Variants in PDE3A observed in about 807,000 individuals in gnomAD.
The protein encoded by PDE3A is cGMP-inhibited 3',5'-cyclic phosphodiesterase 3A.
PDE3A carries 43 observed loss-of-function variants against 98.3 expected under a neutral mutation model. The observed-to-expected ratio is 0.44, with a 90% CI of 0.34 to 0.56. PDE3A has a LOEUF of 0.56. PDE3A is among the 20% of genes least tolerant of loss of function. The probability of loss-of-function intolerance (pLI) is 0.01; values close to 1 mark genes in which losing one functional copy is unlikely to be tolerated. For synonymous variants in PDE3A, 663 were observed against 567.9 expected (o/e 1.17, Z -2.38); for missense variants, 1,427 against 1,440.7 (o/e 0.99, Z 0.15).
intron 1 of PDE3A, among the ~76,000 whole-genome samples, chr12:20,531,909 ATTTG>A (rs1941609456): frequency 6.7e-6 from 1 of 150,040 alleles, no homozygotes; most frequent in Non-Finnish European, 1.5e-5. Flanking sequence ...ATAAACTTCT[ATTTG>A]TTATTTAATT....
At chr12:20,613,805 G>A in intron 3 of PDE3A, 105 bp downstream of exon 3, 1 of 781,980 alleles carries the variant, frequency 1.3e-6, no homozygotes, top group Non-Finnish European at 2.1e-6. Context: ...TCATATCAGT[G>A]ACTCAGGCAA....
chr12:20,650,317 G>C, intron 13 of PDE3A, 128 bp from the exon 14 acceptor site: 1 of 490,326 alleles, frequency 2.0e-6, no homozygotes. Context: ...GTAGCTAGAG[G>C]TTCCCAATTA....
At chr12:20,494,914 A>G in intron 1 of PDE3A, among the ~76,000 whole-genome samples, 1 of 151,776 alleles carries the variant, frequency 6.6e-6, no homozygotes, top group South Asian at 2.1e-4. Flanking sequence ...CTATGTTTTG[A>G]TGGCATTGAT....
chr12:20,530,960 T>C (rs949072002), intron 1 of PDE3A, among the ~76,000 whole-genome samples: 1 of 152,188 alleles, frequency 6.6e-6, no homozygotes, highest in Non-Finnish European at 1.5e-5. Flanking sequence ...GTTCAGGTTT[T>C]TGTTAGGATG....
intron 1 of PDE3A, among the ~76,000 whole-genome samples, chr12:20,390,979 C>T (rs144757331): frequency 6.7e-4 from 102 of 151,836 alleles, no homozygotes; most frequent in African/African-American, 2.4e-3. Context: ...TGAATCCTAC[C>T]GATGAAAGAT....
chr12:20,684,135 A>C lies in PDE3A; in HGVS notation c.*3864A>C, dbSNP rs1440054570. 1.3e-5 allele frequency: 2 copies of C among 152,192 alleles called. No individual in the cohort carries two copies. The highest frequency in any genetic ancestry group is 2.9e-5 in the Non-Finnish European group (2 of 68,018). The allele number at this position is 152,192 out of a possible 1,614,324, so 9.4% of individuals were successfully genotyped here. A position where few individuals can be genotyped will look rare whatever the true frequency, so the allele number is the denominator to read the frequency against. On this transcript the variant is annotated 3_prime_UTR_variant, in exon 16 of 16. Coordinates refer to ENST00000359062, the MANE Select transcript of PDE3A (RefSeq NM_000921.5). ...AAAGTGAACTAATTGTGTGATTATCAAATCCTGATTAATGAGAAGTGAATA... is the reference window on the plus strand; with the variant it reads ...AAAGTGAACTAATTGTGTGATTATCCAATCCTGATTAATGAGAAGTGAATA...
chr12:20,410,061 A>C (rs952752829), intron 1 of PDE3A, among the ~76,000 whole-genome samples: 1 of 152,204 alleles, frequency 6.6e-6, no homozygotes, highest in Non-Finnish European at 1.5e-5. Context: ...CATGTCTGTT[A>C]GGATTCCCAA....
chr12:20,654,610 C>A (rs1391709736), intron 15 of PDE3A, among the ~76,000 whole-genome samples: 1 of 151,364 alleles, frequency 6.6e-6, no homozygotes, highest in Non-Finnish European at 1.5e-5. Flanking sequence ...CATTCTCCTG[C>A]CTCAGCCTCC....
intron 2 of PDE3A, among the ~76,000 whole-genome samples, chr12:20,590,616 AGAAAGGAAAGAG>A (rs1278190368): frequency 1.3e-5 from 2 of 151,736 alleles, no homozygotes; most frequent in Non-Finnish European, 2.9e-5. Flanking sequence ...CTTAACCAGA[AGAAAGGAAAGAG>A]GAAAGGAAAG....
chr12:20,409,975 A>G lies in PDE3A; in HGVS notation c.960+39731A>G, dbSNP rs568593180. On this transcript the variant is annotated intron_variant, in intron 1 of 15. Coordinates refer to ENST00000359062, the MANE Select transcript of PDE3A (RefSeq NM_000921.5). ...ATGTTTTAAAATAAAATATTGCTATAGGATACTTGCTATATTGAACCAAAA... is the reference window on the plus strand; with the variant it reads ...ATGTTTTAAAATAAAATATTGCTATGGGATACTTGCTATATTGAACCAAAA... Among the ~76,000 whole-genome samples, 4 of 152,338 alleles carry G rather than the reference A, an allele frequency of 2.6e-5. No homozygotes were observed. The East Asian group carries it at 7.7e-4, about 29-fold the overall frequency.
chr12:20,670,168 C>G (rs1945433202), intron 15 of PDE3A, among the ~76,000 whole-genome samples: 1 of 150,840 alleles, frequency 6.6e-6, no homozygotes, highest in Admixed American at 6.6e-5. Context: ...TATATATGCA[C>G]CCAATAAAGG....
intron 2 of PDE3A, among the ~76,000 whole-genome samples, chr12:20,583,784 A>ATTGTT (rs1943128431): frequency 6.6e-6 from 1 of 152,198 alleles, no homozygotes; most frequent in African/African-American, 2.4e-5. Context: ...ATCAATGAAA[A>ATTGTT]TTGTTTTAAG....
In PDE3A at chr12:20,467,186, A is replaced by G. The variant is rs551642496; in HGVS notation, c.961-89474A>G. ...GAGTTCTTAGTTATTGGTTGTTTTC[A>G]TCTTTTAAAATTTTCTGATTTGAGG... On this transcript the variant is annotated intron_variant, in intron 1 of 15. Transcript: ENST00000359062. 1.1e-4 allele frequency among the ~76,000 whole-genome samples: 17 copies of G among 152,222 alleles called. 1 individual carries two copies. Among genetic ancestry groups the G allele is most frequent in the African/African-American group, 4.1e-4 (17 of 41,570 alleles).
intron 1 of PDE3A, among the ~76,000 whole-genome samples, chr12:20,498,847 C>A (rs1945972143): frequency 6.6e-6 from 1 of 152,038 alleles, no homozygotes; most frequent in African/African-American, 2.4e-5. Flanking sequence ...TCTTTCCTTG[C>A]TTTCTTTCCT....
At chr12:20,656,429 G>C (rs1945046141) in intron 15 of PDE3A, among the ~76,000 whole-genome samples, 1 of 152,120 alleles carries the variant, frequency 6.6e-6, no homozygotes, top group African/African-American at 2.4e-5. Flanking sequence ...GATCTGGCCT[G>C]TTAATTACTT....
At chr12:20,538,543 T>G (rs911510972) in intron 1 of PDE3A, among the ~76,000 whole-genome samples, 1 of 152,114 alleles carries the variant, frequency 6.6e-6, no homozygotes, top group Non-Finnish European at 1.5e-5. Context: ...CCCATTGCCA[T>G]CTCTATGAGA....
rs1056207658 is a variant in PDE3A at position 20,681,759 on chromosome 12, T to C, written c.*1488T>C. ...TTTTGTTTTGGTTTGTTTGTTTATC[T>C]ACACTTGTTTATGCTGTGAGCCAAA... is the stretch of plus-strand genomic sequence containing the variant. On this transcript the variant is annotated 3_prime_UTR_variant, in exon 16 of 16. Transcript: ENST00000359062. 6.6e-6 allele frequency: 1 copy of C among 152,212 alleles called. No homozygotes were observed. The highest frequency in any genetic ancestry group is 1.5e-5 in the Non-Finnish European group (1 of 68,024). The allele number at this position is 152,212 out of a possible 1,614,324, so 9.4% of individuals were successfully genotyped here. A position where few individuals can be genotyped will look rare whatever the true frequency, so the allele number is the denominator to read the frequency against.
chr12:20,496,045 C>A (rs555109356), intron 1 of PDE3A, among the ~76,000 whole-genome samples: 1 of 152,148 alleles, frequency 6.6e-6, no homozygotes, highest in Non-Finnish European at 1.5e-5. Flanking sequence ...CCCCCTCTTT[C>A]GTACTCTTAA....
At chr12:20,522,509 G>A (rs1425814196) in intron 1 of PDE3A, among the ~76,000 whole-genome samples, 1 of 152,178 alleles carries the variant, frequency 6.6e-6, no homozygotes, top group African/African-American at 2.4e-5. Flanking sequence ...AATAAAACAG[G>A]GAAAGAAGAT....
Sources: allele counts gnomAD v4.1 joint callset (sites outside exome capture counted in the v4.1 genomes callset), GRCh38; gene constraint gnomAD v4.1.1; transcripts MANE v1.5; gene names NCBI Gene and HGNC (gene_info 2026-07-23, HGNC 2026-07-21).